ADAM12: variants seen among roughly 807,000 people sequenced by gnomAD.
The protein encoded by ADAM12 is ADAM metallopeptidase domain 12.
ADAM12 carries 70 observed loss-of-function variants against 106.4 expected under a neutral mutation model. That is an observed-to-expected ratio of 0.66 (90% CI 0.54 to 0.80). ADAM12 has a LOEUF of 0.80. Ranked by LOEUF, ADAM12 falls within the 30% of genes least tolerant of loss-of-function variation. The probability of loss-of-function intolerance (pLI) is 0.00; values close to 1 mark genes in which losing one functional copy is unlikely to be tolerated. For synonymous variants in ADAM12, 420 were observed against 433.5 expected, an observed-to-expected ratio of 0.97 and a Z score of 0.39; for missense variants, 1,010 against 1,171.9, an observed-to-expected ratio of 0.86 and a Z score of 2.02.
At chr10:126,377,363 C>T (rs1304459944) in intron 1 of ADAM12, among the ~76,000 whole-genome samples, 1 of 152,190 alleles carries the variant, frequency 6.6e-6, no homozygotes. Context: ...CCGTCTGAGT[C>T]CCAAAGCTGA....
At chr10:126,331,835 A>G (rs1364555022) in intron 1 of ADAM12, among the ~76,000 whole-genome samples, 1 of 152,132 alleles carries the variant, frequency 6.6e-6, no homozygotes, top group Non-Finnish European at 1.5e-5. Context: ...TGGCAGAGCA[A>G]GTGGAGGTGC....
At chr10:126,143,062 T>C (rs1956546311) in intron 4 of ADAM12, among the ~76,000 whole-genome samples, 1 of 70,408 alleles carries the variant, frequency 1.4e-5, no homozygotes, top group Non-Finnish European at 3.8e-5. Flanking sequence ...GGTGTGCACA[T>C]GTGCATATGT....
intron 1 of ADAM12, among the ~76,000 whole-genome samples, chr10:126,331,999 C>A (rs1441907574): frequency 6.6e-6 from 1 of 152,186 alleles, no homozygotes; most frequent in Non-Finnish European, 1.5e-5. Flanking sequence ...TGTCTCCCTC[C>A]TCCTGTCGCT....
At chr10:126,195,433 G>T (rs1220764501) in intron 3 of ADAM12, among the ~76,000 whole-genome samples, 2 of 152,110 alleles carry the variant, frequency 1.3e-5, no homozygotes, top group Non-Finnish European at 2.9e-5. Context: ...AAATTAGCCA[G>T]GTGTGGTGGT....
intron 3 of ADAM12, among the ~76,000 whole-genome samples, chr10:126,241,043 C>A (rs1824731196): frequency 6.6e-6 from 1 of 150,746 alleles, no homozygotes; most frequent in African/African-American, 2.5e-5. Flanking sequence ...CCATAAAAAG[C>A]AAGGAAGTTC....
At chr10:126,137,329 T>G (rs12762349) in intron 4 of ADAM12, among the ~76,000 whole-genome samples, 21,791 of 152,190 alleles carry the variant, frequency 0.14, 1,637 homozygotes, top group South Asian at 0.2. Flanking sequence ...CCAATGACTA[T>G]TGCTCTATAC....
intron 3 of ADAM12, among the ~76,000 whole-genome samples, chr10:126,254,280 T>C (rs2133693405): frequency 6.6e-6 from 1 of 152,192 alleles, no homozygotes; most frequent in East Asian, 1.9e-4. Context: ...CTCAGTTTCC[T>C]TGGCTGGAAG....
intron 5 of ADAM12, among the ~76,000 whole-genome samples, chr10:126,119,127 T>A (rs1024483527): frequency 1.3e-5 from 2 of 152,204 alleles, no homozygotes; most frequent in African/African-American, 4.8e-5. Context: ...TAGCACTGCT[T>A]CTTGGAGGCT....
chr10:126,126,835 G>C (rs1448554702), intron 5 of ADAM12, among the ~76,000 whole-genome samples: 1 of 151,776 alleles, frequency 6.6e-6, no homozygotes, highest in East Asian at 1.9e-4. Flanking sequence ...AATCTCCCTG[G>C]GGTCAGGCTT....
intron 1 of ADAM12, among the ~76,000 whole-genome samples, chr10:126,376,401 A>G (rs1404286991): frequency 6.6e-6 from 1 of 152,242 alleles, no homozygotes; most frequent in African/African-American, 2.4e-5. Context: ...ATGAACTGGC[A>G]CTTGTTGAAA....
intron 3 of ADAM12, among the ~76,000 whole-genome samples, chr10:126,229,626 C>T (rs937817145): frequency 8.1e-6 from 1 of 122,970 alleles, no homozygotes; most frequent in Non-Finnish European, 1.7e-5. Context: ...CCCTCCCTCT[C>T]CCCCTCTCTT....
intron 3 of ADAM12, among the ~76,000 whole-genome samples, chr10:126,216,976 A>C (rs575229384): frequency 6.6e-6 from 1 of 152,222 alleles, no homozygotes; most frequent in South Asian, 2.1e-4. Context: ...ATGACAATTA[A>C]GGAGAATATT....
intron 1 of ADAM12, among the ~76,000 whole-genome samples, chr10:126,353,664 A>G (rs1321966040): frequency 1.3e-5 from 2 of 152,226 alleles, no homozygotes; most frequent in Non-Finnish European, 2.9e-5. Context: ...TAAGAGATTT[A>G]TGACTCTTCT....
intron 10 of ADAM12, among the ~76,000 whole-genome samples, chr10:126,095,072 G>A (rs958164243): frequency 2.0e-5 from 3 of 152,156 alleles, no homozygotes; most frequent in African/African-American, 7.2e-5. Context: ...ATGGAGTAAG[G>A]AAAATACCCT....
At chr10:126,060,031 G>A (rs1954718743) in intron 14 of ADAM12, among the ~76,000 whole-genome samples, 1 of 152,188 alleles carries the variant, frequency 6.6e-6, no homozygotes, top group African/African-American at 2.4e-5. Context: ...AACATAGGAA[G>A]TCTTGAGATA....
At chr10:126,188,927 T>C (rs1465085918) in intron 3 of ADAM12, among the ~76,000 whole-genome samples, 3 of 152,116 alleles carry the variant, frequency 2.0e-5, no homozygotes, top group Non-Finnish European at 4.4e-5. Flanking sequence ...ATGCATCATC[T>C]ATTTATTATC....
At chr10:126,321,906 G>GGT (rs1554866247) in intron 2 of ADAM12, among the ~76,000 whole-genome samples, 1 of 127,160 alleles carries the variant, frequency 7.9e-6, no homozygotes, top group Non-Finnish European at 1.8e-5. Flanking sequence ...CCTGGGGGTC[G>GGT]GGGGGGGGGC....
intron 1 of ADAM12, among the ~76,000 whole-genome samples, chr10:126,362,411 G>T (rs1265359686): frequency 6.6e-6 from 1 of 151,706 alleles, no homozygotes; most frequent in African/African-American, 2.4e-5. Context: ...ATATGACCCT[G>T]CAATATTACC....
chr10:126,198,528 A>G (rs369064559), intron 3 of ADAM12, among the ~76,000 whole-genome samples: 1 of 152,180 alleles, frequency 6.6e-6, no homozygotes, highest in Non-Finnish European at 1.5e-5. Flanking sequence ...AACCAGGGCC[A>G]GTGTAGCCTT....
Sources: allele counts gnomAD v4.1 joint callset (sites outside exome capture counted in the v4.1 genomes callset), GRCh38; gene constraint gnomAD v4.1.1; transcripts MANE v1.5; gene names NCBI Gene and HGNC (gene_info 2026-07-23, HGNC 2026-07-21).